Variants in ADRA1B observed in about 807,000 individuals in gnomAD.
ADRA1B encodes adrenoceptor alpha 1B.
In ADRA1B, 17 loss-of-function variants were observed where a neutral mutation model predicts 17.9. The observed-to-expected ratio is 0.95, with a 90% confidence interval of 0.65 to 1.42. The LOEUF is 1.42. Among genes scored for constraint, ADRA1B ranks in the 40% most tolerant of loss-of-function variants. The pLI, the probability that ADRA1B is intolerant of heterozygous loss-of-function variation, is 0.00. For missense variants in ADRA1B, 681 were observed against 722.1 expected, an observed-to-expected ratio of 0.94 and a Z score of 0.65; for synonymous variants, 366 against 327.6, an observed-to-expected ratio of 1.12 and a Z score of -1.27.
downstream of ADRA1B, among the ~76,000 whole-genome samples, chr5:159,975,448 A>G (rs567404242): frequency 4.5e-4 from 68 of 152,304 alleles, no homozygotes; most frequent in Admixed American, 3.2e-3. Flanking sequence ...AGGACACACA[A>G]AGGATTCAAC....
the ADRA1B span, among the ~76,000 whole-genome samples, chr5:159,978,018 A>G: frequency 1.3e-5 from 2 of 151,822 alleles, no homozygotes; most frequent in African/African-American, 2.4e-5. Flanking sequence ...CCTACTGCCA[A>G]CACTGTCCAG....
chr5:159,944,245 C>T (rs927658050), intron 1 of ADRA1B, among the ~76,000 whole-genome samples: 3 of 152,100 alleles, frequency 2.0e-5, no homozygotes, highest in African/African-American at 4.8e-5. Context: ...AGTGGAGAGC[C>T]GTGGCTATCA....
intron 1 of ADRA1B, among the ~76,000 whole-genome samples, chr5:159,909,073 G>A (rs1391305141): frequency 2.0e-5 from 3 of 152,130 alleles, no homozygotes; most frequent in Non-Finnish European, 4.4e-5. Context: ...CAAATCTTTT[G>A]GTTTGGTGTC....
intron 1 of ADRA1B, among the ~76,000 whole-genome samples, chr5:159,910,544 T>C (rs1754217526): frequency 6.6e-6 from 1 of 152,218 alleles, no homozygotes; most frequent in African/African-American, 2.4e-5. Flanking sequence ...AACAAATTTT[T>C]TCTGCAAAGG....
chr5:159,948,406 G>T (rs775927101), intron 1 of ADRA1B: 124 of 985,274 alleles, frequency 1.3e-4, no homozygotes, highest in Non-Finnish European at 1.5e-4. Flanking sequence ...TCACAAAAAT[G>T]ATGATTCAAA....
intron 1 of ADRA1B, among the ~76,000 whole-genome samples, chr5:159,965,650 T>G (rs140069408): frequency 2.4e-4 from 37 of 152,204 alleles, no homozygotes; most frequent in African/African-American, 7.7e-4. Context: ...TCCCAGCAGC[T>G]ACTGTGCTGG....
At chr5:159,906,807 AAGG>A (rs1490729436) in intron 1 of ADRA1B, among the ~76,000 whole-genome samples, 1 of 152,218 alleles carries the variant, frequency 6.6e-6, no homozygotes, top group Non-Finnish European at 1.5e-5. Flanking sequence ...CATCTGTTTT[AAGG>A]AGAAGTTCCC....
chr5:159,919,113 A>C (rs1754408479), intron 1 of ADRA1B, among the ~76,000 whole-genome samples: 1 of 152,244 alleles, frequency 6.6e-6, no homozygotes, highest in Non-Finnish European at 1.5e-5. Context: ...TTTAAAAAGA[A>C]AGAAAAAGAT....
At position 159,971,988 on chromosome 5, in the gene ADRA1B, G is replaced by C; in HGVS notation, c.1059G>C (p.Lys353Asn). 1 of 1,480,052 alleles carries C rather than the reference G, an allele frequency of 6.8e-7. No homozygotes were observed. The highest frequency in any genetic ancestry group is 9.0e-7 in the Non-Finnish European group (1 of 1,108,730). 91.7% of individuals were successfully genotyped at this position (1,480,052 alleles called of 1,614,324 possible). ...CCATCATCTACCCATGCTCCAGCAAGGAGTTCAAGCGCGCTTTCGTGCGCA... is the reference window on the plus strand; with the variant it reads ...CCATCATCTACCCATGCTCCAGCAACGAGTTCAAGCGCGCTTTCGTGCGCA... ...LNPIIYPCSS[K>N]EFKRAFVRIL... Residue 353 changes from lysine (K) to asparagine (N), a missense_variant, in exon 2 of 2, where the codon AAG becomes AAC. Transcript: ENST00000306675.
At chr5:159,899,324 A>AAGAAAGGAAGGAAGGAAGG (rs1156262558) in intron 1 of ADRA1B, among the ~76,000 whole-genome samples, 4 of 151,624 alleles carry the variant, frequency 2.6e-5, no homozygotes, top group African/African-American at 4.8e-5. Flanking sequence ...GGAAAGAAGG[A>AAGAAAGGAAGGAAGGAAGG]AAGGCAACTA....
At chr5:159,914,655 AC>A (rs1425090098), upstream of ADRA1B, among the ~76,000 whole-genome samples, 1 of 152,128 alleles carries the variant, frequency 6.6e-6, no homozygotes, top group African/African-American at 2.4e-5. Context: ...GTAAATTAAA[AC>A]CTTCGATACG....
At chr5:159,953,956 C>T (rs750990591) in intron 1 of ADRA1B, among the ~76,000 whole-genome samples, 4 of 152,120 alleles carry the variant, frequency 2.6e-5, no homozygotes, top group Admixed American at 6.5e-5. Flanking sequence ...TCTCTCTCCC[C>T]GGCTGCCTCT....
At chr5:159,906,051 C>T (rs564403514) in intron 1 of ADRA1B, among the ~76,000 whole-genome samples, 40 of 152,186 alleles carry the variant, frequency 2.6e-4, no homozygotes, top group African/African-American at 7.0e-4. Context: ...GATAGGGTTT[C>T]GCCACATTGG....
chr5:159,978,072 T>C, the ADRA1B span, among the ~76,000 whole-genome samples: 1 of 152,172 alleles, frequency 6.6e-6, no homozygotes, highest in Non-Finnish European at 1.5e-5. Context: ...TCCATAGTAC[T>C]TATCACCACC....
chr5:159,891,581 C>G (rs1209072477), intron 1 of ADRA1B, among the ~76,000 whole-genome samples: 2 of 152,126 alleles, frequency 1.3e-5, no homozygotes, highest in African/African-American at 4.8e-5. Context: ...AGCTAAGGGT[C>G]CTGCAGGAGC....
chr5:159,914,284 C>T (rs1754256413), upstream of ADRA1B, among the ~76,000 whole-genome samples: 1 of 152,090 alleles, frequency 6.6e-6, no homozygotes, highest in South Asian at 2.1e-4. Flanking sequence ...AGTCTCACAC[C>T]CCACTGTGTA....
chr5:159,984,634 A>C, the ADRA1B span, among the ~76,000 whole-genome samples: 3 of 152,042 alleles, frequency 2.0e-5, no homozygotes, highest in African/African-American at 7.2e-5. Context: ...GTGGTAGCTC[A>C]CGCCTGTAAT....
chr5:159,981,315 C>A, the ADRA1B span, among the ~76,000 whole-genome samples: 1 of 152,176 alleles, frequency 6.6e-6, no homozygotes, highest in African/African-American at 2.4e-5. Context: ...GCAGCATCTC[C>A]CACCATCAGC....
At chr5:159,910,078 A>G (rs1208871998) in intron 1 of ADRA1B, among the ~76,000 whole-genome samples, 5 of 152,232 alleles carry the variant, frequency 3.3e-5, no homozygotes, top group African/African-American at 4.8e-5. Flanking sequence ...ACGCACACAC[A>G]TATATATCCT....
Sources: gnomAD v4.1 joint callset for allele counts (sites outside exome capture counted in the v4.1 genomes callset) on GRCh38, gnomAD v4.1.1 for gene constraint, MANE v1.5 for transcripts, NCBI Gene and HGNC (gene_info 2026-07-23, HGNC 2026-07-21) for gene names.